The following SLC35F3 variants were observed in gnomAD, a reference collection of about 807,000 sequenced individuals.
The protein encoded by SLC35F3 is putative thiamine transporter SLC35F3.
SLC35F3 carries 25 observed loss-of-function variants against 49.9 expected under a neutral mutation model. The ratio of observed to expected loss-of-function variants is 0.50; its 90% CI spans 0.37 to 0.70. The LOEUF is 0.70. Among genes scored for constraint, SLC35F3 ranks in the 30% least tolerant of loss-of-function variants. The probability of loss-of-function intolerance (pLI) is 0.00; values close to 1 mark genes in which losing one functional copy is unlikely to be tolerated. For synonymous variants in SLC35F3, 275 were observed against 265.4 expected, an observed-to-expected ratio of 1.04 and a Z score of -0.35; for missense variants, 525 against 639.8, an observed-to-expected ratio of 0.82 and a Z score of 1.94.
chr1:234,044,205 T>G (rs1291478003), intron 2 of SLC35F3, among the ~76,000 whole-genome samples: 3 of 152,212 alleles, frequency 2.0e-5, no homozygotes, highest in Admixed American at 1.3e-4. Context: ...TTTGACCTTC[T>G]TCCATGCCCT....
intron 2 of SLC35F3, among the ~76,000 whole-genome samples, chr1:233,979,475 G>T (rs954348635): frequency 3.3e-5 from 5 of 152,164 alleles, no homozygotes; most frequent in African/African-American, 1.2e-4. Flanking sequence ...AACTTTGTTC[G>T]CTCGCTTCTA....
intron 2 of SLC35F3, among the ~76,000 whole-genome samples, chr1:233,978,719 AG>A (rs1367603023): frequency 2.0e-5 from 3 of 152,198 alleles, no homozygotes; most frequent in Admixed American, 1.3e-4. Flanking sequence ...CCAGAAAGTA[AG>A]GGAAAATAGT....
intron 2 of SLC35F3, among the ~76,000 whole-genome samples, chr1:233,945,330 A>C (rs1476642828): frequency 6.6e-6 from 1 of 152,156 alleles, no homozygotes; most frequent in Non-Finnish European, 1.5e-5. Context: ...GTAATTCAGC[A>C]CTAAGGAAAT....
intron 2 of SLC35F3, among the ~76,000 whole-genome samples, chr1:234,062,941 G>A (rs1294374368): frequency 4.6e-5 from 7 of 150,840 alleles, no homozygotes; most frequent in East Asian, 2.0e-4. Flanking sequence ...CGCCCGCCTC[G>A]GCCTCCCAAA....
chr1:233,923,174 A>G (rs76986645), intron 2 of SLC35F3, among the ~76,000 whole-genome samples: 52,720 of 151,974 alleles, frequency 0.35, 10,119 homozygotes, highest in Middle Eastern at 0.44. Flanking sequence ...GTTTTTTCCA[A>G]TTCTGTGAAG....
intron 2 of SLC35F3, among the ~76,000 whole-genome samples, chr1:233,983,239 C>CTTGTTACATTAAGATTGTTACATTAAGA (rs1663214760): frequency 6.6e-6 from 1 of 152,074 alleles, no homozygotes; most frequent in Non-Finnish European, 1.5e-5. Context: ...CATCATGAAA[C>CTTGTTACATTAAGATTGTTACATTAAGA]TTGTTACATT....
At chr1:234,245,459 A>G (rs75327298) in intron 3 of SLC35F3, among the ~76,000 whole-genome samples, 2,012 of 152,322 alleles carry the variant, frequency 0.013, 15 homozygotes, top group Non-Finnish European at 0.019. Context: ...TGAGATACTG[A>G]TTTATTTTCC....
At chr1:234,175,682 A>AG (rs1321770619) in intron 2 of SLC35F3, among the ~76,000 whole-genome samples, 1 of 149,120 alleles carries the variant, frequency 6.7e-6, no homozygotes, top group Non-Finnish European at 1.5e-5. Flanking sequence ...AAAAAAAAAA[A>AG]GGAAGAGAGT....
chr1:234,061,249 T>G (rs1165654532), intron 2 of SLC35F3, among the ~76,000 whole-genome samples: 1 of 152,180 alleles, frequency 6.6e-6, no homozygotes, highest in Non-Finnish European at 1.5e-5. Context: ...AGTTGTAGGA[T>G]TCTCTGTTGA....
intron 3 of SLC35F3, among the ~76,000 whole-genome samples, chr1:234,288,496 G>A (rs1344364439): frequency 6.6e-6 from 1 of 152,160 alleles, no homozygotes; most frequent in Non-Finnish European, 1.5e-5. Flanking sequence ...TATGAAGGAT[G>A]TTTTTAGTCT....
In SLC35F3 at chr1:234,117,912, ATGTGTG is replaced by A. The variant is rs370186911; in HGVS notation, c.284-113457_284-113452del. ...AAAAAGAAAAAAAAAAAGACTATAT[ATGTGTG>A]TGTGTGTGTGTGTGTGTGTGTGTGT... On this transcript the variant is annotated intron_variant, in intron 2 of 7. Coordinates refer to ENST00000366618, the MANE Select transcript of SLC35F3 (RefSeq NM_173508.4). 8.9e-3 allele frequency among the ~76,000 whole-genome samples: 1,012 copies of A among 113,890 alleles called. 32 individuals carry two copies. The highest frequency in any genetic ancestry group is 0.015 in the African/African-American group (512 of 33,436). The allele number at this position is 113,890 out of a possible 152,430, so 74.7% of individuals were successfully genotyped here. A position where few individuals can be genotyped will look rare whatever the true frequency, so the allele number is the denominator to read the frequency against.
chr1:234,285,464 A>G, intron 3 of SLC35F3: 1 of 392,470 alleles, frequency 2.5e-6, no homozygotes, highest in South Asian at 1.9e-5. Context: ...AAGTTGCAAC[A>G]GTAAAAACAA....
intron 2 of SLC35F3, among the ~76,000 whole-genome samples, chr1:234,174,790 G>A (rs188131519): frequency 5.9e-5 from 9 of 152,338 alleles, no homozygotes; most frequent in Admixed American, 2.6e-4. Context: ...GTGAAACATC[G>A]TCAACAAGGT....
chr1:234,317,400 C>T (rs1657517690), intron 5 of SLC35F3, among the ~76,000 whole-genome samples: 2 of 151,306 alleles, frequency 1.3e-5, no homozygotes, highest in African/African-American at 4.9e-5. Context: ...TTCCCTTCTC[C>T]TCCTCTCTCC....
intron 2 of SLC35F3, among the ~76,000 whole-genome samples, chr1:234,047,233 A>G (rs1598962): frequency 0.11 from 16,186 of 152,112 alleles, 2,458 homozygotes; most frequent in African/African-American, 0.34. Context: ...GTGATTGTCA[A>G]TTATATGAGT....
chr1:234,019,000 A>G (rs989139820), intron 2 of SLC35F3, among the ~76,000 whole-genome samples: 5 of 152,238 alleles, frequency 3.3e-5, no homozygotes, highest in South Asian at 2.1e-4. Context: ...TAGAAGAGCA[A>G]TGCTACCTTT....
chr1:234,312,582 G>A (rs1418253455), intron 4 of SLC35F3, among the ~76,000 whole-genome samples: 1 of 152,184 alleles, frequency 6.6e-6, no homozygotes, highest in Admixed American at 6.5e-5. Flanking sequence ...CAATGGTGGA[G>A]CTCACAGCCC....
chr1:234,290,288 G>T (rs1234439292), intron 3 of SLC35F3, among the ~76,000 whole-genome samples: 1 of 152,054 alleles, frequency 6.6e-6, no homozygotes, highest in East Asian at 1.9e-4. Flanking sequence ...ATGGGGAGAA[G>T]AAATTGTTTT....
At chr1:234,272,478 T>C (rs1474887244) in intron 3 of SLC35F3, 2 of 152,164 alleles carry the variant, frequency 1.3e-5, no homozygotes, top group East Asian at 1.9e-4. Flanking sequence ...TGTTCTGAGA[T>C]AGGGTGGACT....
Sources: allele counts gnomAD v4.1 joint callset (sites outside exome capture counted in the v4.1 genomes callset), GRCh38; gene constraint gnomAD v4.1.1; transcripts MANE v1.5; gene names NCBI Gene and HGNC (gene_info 2026-07-23, HGNC 2026-07-21).